Variants in DLG2 observed in about 807,000 individuals in gnomAD.
The protein encoded by DLG2 is discs large MAGUK scaffold protein 2, also known as disks large homolog 2.
A neutral mutation model predicts 132.5 loss-of-function variants in DLG2; 45 were observed. The observed-to-expected ratio is 0.34, with a 90% CI of 0.27 to 0.44. The LOEUF (loss-of-function observed/expected upper bound fraction) is 0.44. DLG2 is among the 20% of genes least tolerant of loss of function. DLG2 has a pLI of 1.00. For missense variants in DLG2, 1,045 were observed against 1,196.9 expected (o/e 0.87, Z 1.87); for synonymous variants, 424 against 419.6 (o/e 1.01, Z -0.13).
At chr11:85,281,954 A>G (rs1481003657) in intron 4 of DLG2, among the ~76,000 whole-genome samples, 4 of 152,010 alleles carry the variant, frequency 2.6e-5, no homozygotes, top group African/African-American at 9.7e-5. Flanking sequence ...TATGGAATCA[A>G]TCAAAGTGTC....
intron 7 of DLG2, among the ~76,000 whole-genome samples, chr11:84,302,815 G>A (rs1434754622): frequency 2.6e-5 from 4 of 152,106 alleles, no homozygotes; most frequent in Admixed American, 2.6e-4. Context: ...GGCCAGGCAT[G>A]GTGGCTCATG....
chr11:85,529,733 T>A (rs1402565267), intron 3 of DLG2, among the ~76,000 whole-genome samples: 2 of 152,142 alleles, frequency 1.3e-5, no homozygotes, highest in Non-Finnish European at 2.9e-5. Context: ...TGCCTTTGAT[T>A]ATTGTACCAA....
chr11:83,738,252 G>A (rs1350304285), intron 18 of DLG2, among the ~76,000 whole-genome samples: 1 of 152,052 alleles, frequency 6.6e-6, no homozygotes, highest in African/African-American at 2.4e-5. Context: ...ACCCACATCA[G>A]CAACCACTCA....
At chr11:84,880,669 G>T (rs2087171488) in intron 6 of DLG2, among the ~76,000 whole-genome samples, 2 of 152,056 alleles carry the variant, frequency 1.3e-5, no homozygotes, top group South Asian at 2.1e-4. Context: ...TTCTTTCAAA[G>T]TAGAATATCT....
At chr11:84,112,560 T>C (rs772319073) in intron 9 of DLG2, among the ~76,000 whole-genome samples, 1 of 152,112 alleles carries the variant, frequency 6.6e-6, no homozygotes, top group Non-Finnish European at 1.5e-5. Context: ...CTAGAGATTT[T>C]TTTCTGGCGG....
intron 12 of DLG2, among the ~76,000 whole-genome samples, chr11:83,979,735 T>C (rs1352423593): frequency 6.6e-6 from 1 of 152,158 alleles, no homozygotes; most frequent in Non-Finnish European, 1.5e-5. Context: ...TTATAAATTC[T>C]TGGAAGTCAG....
intron 9 of DLG2, among the ~76,000 whole-genome samples, chr11:84,127,017 A>G (rs1269030243): frequency 1.3e-5 from 2 of 152,224 alleles, no homozygotes; most frequent in African/African-American, 4.8e-5. Context: ...CAGCTTGAAA[A>G]TATCTAGCCA....
intron 18 of DLG2, chr11:83,720,871 T>C (rs1474357695): frequency 6.6e-6 from 1 of 151,646 alleles, no homozygotes; most frequent in Non-Finnish European, 1.5e-5. Flanking sequence ...AGAGAACTTC[T>C]CTGCCACATG....
chr11:83,469,261 G>T lies in DLG2; in HGVS notation c.2559C>A (p.Gly853=). 1.2e-6 allele frequency: 2 copies of T among 1,613,654 alleles called. No homozygotes were observed. The highest frequency in any genetic ancestry group is 2.2e-5 in the East Asian group (1 of 44,844). The change falls in exon 25 of 28, where the codon GGC becomes GGA. Residue 853 remains glycine, a synonymous_variant. Transcript: ENST00000376104. ...DIQEHKFIEA[G]QYNDNLYGTS... ...TTCCATATAAATTGTCATTGTACTG[G>T]CCGGCTTCTATAAACTTGTGCTCTT...
intron 7 of DLG2, among the ~76,000 whole-genome samples, chr11:84,464,419 A>C (rs4417303): frequency 0.03 from 4,586 of 151,262 alleles, 177 homozygotes; most frequent in African/African-American, 0.094. Flanking sequence ...CTTTGTAAGA[A>C]TCTAGTTATG....
intron 18 of DLG2, among the ~76,000 whole-genome samples, chr11:83,745,000 G>T (rs1355863186): frequency 6.6e-6 from 1 of 152,138 alleles, no homozygotes; most frequent in African/African-American, 2.4e-5. Flanking sequence ...TGTCTTCTTA[G>T]GATGCTGCAA....
intron 9 of DLG2, among the ~76,000 whole-genome samples, chr11:84,151,875 A>G (rs1391349544): frequency 6.6e-6 from 1 of 151,994 alleles, no homozygotes; most frequent in African/African-American, 2.4e-5. Context: ...CTTGGTTTTG[A>G]TTTCTATTTT....
chr11:84,656,838 G>A (rs944090698), intron 6 of DLG2, among the ~76,000 whole-genome samples: 2 of 152,222 alleles, frequency 1.3e-5, no homozygotes, highest in South Asian at 2.1e-4. Flanking sequence ...AATACCTGGA[G>A]CACAGTAGGT....
chr11:84,479,251 C>T (rs866258089), intron 7 of DLG2, among the ~76,000 whole-genome samples: 1 of 152,044 alleles, frequency 6.6e-6, no homozygotes, highest in African/African-American at 2.4e-5. Flanking sequence ...ATTTGTTTCA[C>T]TACCAGTAAA....
intron 8 of DLG2, among the ~76,000 whole-genome samples, chr11:84,227,109 A>G (rs2097010391): frequency 6.6e-6 from 1 of 151,984 alleles, no homozygotes; most frequent in Non-Finnish European, 1.5e-5. Context: ...TAATTAATTA[A>G]TTAAAATTTT....
At chr11:83,771,538 C>G (rs1182240074) in intron 18 of DLG2, among the ~76,000 whole-genome samples, 1 of 152,098 alleles carries the variant, frequency 6.6e-6, no homozygotes, top group African/African-American at 2.4e-5. Flanking sequence ...CCTCTTGTTC[C>G]TGCGCTACAA....
intron 5 of DLG2, among the ~76,000 whole-genome samples, chr11:85,122,969 A>ATTTTT (rs1175644391): frequency 1.0e-4 from 9 of 86,870 alleles, no homozygotes; most frequent in Non-Finnish European, 1.5e-4. Flanking sequence ...ATATATATAT[A>ATTTTT]TTTTTTTTTT....
At chr11:84,848,180 C>T (rs1042201507) in intron 6 of DLG2, among the ~76,000 whole-genome samples, 5 of 152,006 alleles carry the variant, frequency 3.3e-5, no homozygotes, top group Middle Eastern at 3.2e-3. Flanking sequence ...CATGTGCCAA[C>T]CTAGATTTCA....
chr11:83,831,394 G>A (rs916600469), intron 17 of DLG2, among the ~76,000 whole-genome samples: 1 of 152,140 alleles, frequency 6.6e-6, no homozygotes, highest in Non-Finnish European at 1.5e-5. Flanking sequence ...CTGATGAGTA[G>A]GCAGAGGCCT....
Sources: allele counts gnomAD v4.1 joint callset (sites outside exome capture counted in the v4.1 genomes callset), GRCh38; gene constraint gnomAD v4.1.1; transcripts MANE v1.5; gene names NCBI Gene and HGNC (gene_info 2026-07-23, HGNC 2026-07-21).